The following PACRG variants were observed in gnomAD, a reference collection of about 807,000 sequenced individuals.
PACRG encodes the protein parkin coregulated gene protein.
PACRG carries 29 observed loss-of-function variants against 29.7 expected under a neutral mutation model. That is an observed-to-expected ratio of 0.98 (90% CI 0.73 to 1.33). The LOEUF is 1.33. PACRG is among the 40% of genes most tolerant of loss of function. PACRG has a pLI of 0.00. For missense variants in PACRG, 279 were observed against 316.2 expected, an observed-to-expected ratio of 0.88 and a Z score of 0.89; for synonymous variants, 116 against 118.7, an observed-to-expected ratio of 0.98 and a Z score of 0.15.
intron 2 of PACRG, among the ~76,000 whole-genome samples, chr6:163,021,583 G>A (rs780016866): frequency 7.9e-5 from 12 of 152,048 alleles, no homozygotes; most frequent in Non-Finnish European, 1.3e-4. Context: ...TCTTGAAACA[G>A]ATCCCATTTC....
chr6:163,201,187 T>C (rs1237048068), intron 4 of PACRG, among the ~76,000 whole-genome samples: 1 of 152,350 alleles, frequency 6.6e-6, no homozygotes, highest in African/African-American at 2.4e-5. Flanking sequence ...AGAAAGTGAA[T>C]ACTTAAGCGG....
chr6:163,152,962 C>G (rs1438354220), intron 4 of PACRG, among the ~76,000 whole-genome samples: 2 of 152,220 alleles, frequency 1.3e-5, no homozygotes, highest in Non-Finnish European at 2.9e-5. Context: ...TGCTTGGCTG[C>G]TTCAGGGGAG....
chr6:162,854,310 C>T (rs553939900), intron 2 of PACRG, among the ~76,000 whole-genome samples: 37 of 145,746 alleles, frequency 2.5e-4, no homozygotes, highest in Non-Finnish European at 3.7e-4. Flanking sequence ...TGTGAAAGTC[C>T]ATGAGTAGCT....
At chr6:163,181,397 G>T (rs959504725) in intron 4 of PACRG, among the ~76,000 whole-genome samples, 1 of 152,108 alleles carries the variant, frequency 6.6e-6, no homozygotes, top group East Asian at 1.9e-4. Context: ...GTGAAAAGCA[G>T]TGCCGGGGCT....
intron 2 of PACRG, among the ~76,000 whole-genome samples, chr6:162,995,118 G>A (rs1455782610): frequency 2.0e-5 from 3 of 150,848 alleles, no homozygotes; most frequent in Middle Eastern, 3.2e-3. Context: ...CCAGCTGCGT[G>A]CTGGGAGAAC....
At chr6:163,263,523 C>T (rs1419941727) in intron 4 of PACRG, among the ~76,000 whole-genome samples, 1 of 152,192 alleles carries the variant, frequency 6.6e-6, no homozygotes, top group African/African-American at 2.4e-5. Flanking sequence ...ACACCCTCCT[C>T]TTCTCAATCA....
At chr6:163,264,470 G>T (rs559239412) in intron 4 of PACRG, among the ~76,000 whole-genome samples, 2 of 152,174 alleles carry the variant, frequency 1.3e-5, no homozygotes, top group South Asian at 4.1e-4. Context: ...CAGCAGCAGG[G>T]GACACTGTGT....
chr6:163,312,262 C>T (rs1231505916), intron 4 of PACRG, among the ~76,000 whole-genome samples: 1 of 152,156 alleles, frequency 6.6e-6, no homozygotes, highest in African/African-American at 2.4e-5. Context: ...ACATTTGTCC[C>T]TGCTTTGGTT....
At chr6:163,173,715 C>T (rs1779207643) in intron 4 of PACRG, among the ~76,000 whole-genome samples, 1 of 152,200 alleles carries the variant, frequency 6.6e-6, no homozygotes, top group Admixed American at 6.5e-5. Flanking sequence ...CAAGGTCGCC[C>T]TCTCCACCCT....
intron 2 of PACRG, among the ~76,000 whole-genome samples, chr6:162,890,243 A>G (rs943421825): frequency 2.6e-5 from 4 of 152,194 alleles, no homozygotes; most frequent in Admixed American, 2.6e-4. Context: ...AAAGCAAAAA[A>G]GATTTAAGTG....
chr6:163,114,545 T>A (rs1232919324), intron 4 of PACRG, among the ~76,000 whole-genome samples: 1 of 152,122 alleles, frequency 6.6e-6, no homozygotes, highest in Non-Finnish European at 1.5e-5. Context: ...GGAAATCCTA[T>A]TTGGAGTGTC....
chr6:163,196,054 C>G (rs907213766), intron 4 of PACRG, among the ~76,000 whole-genome samples: 2 of 152,210 alleles, frequency 1.3e-5, no homozygotes, highest in African/African-American at 4.8e-5. Context: ...GTCGCTGGCT[C>G]AGTTTCCTTC....
chr6:162,913,984 A>AAAATG (rs1796502298), intron 2 of PACRG, among the ~76,000 whole-genome samples: 1 of 151,914 alleles, frequency 6.6e-6, no homozygotes, highest in African/African-American at 2.4e-5. Context: ...TGCTTTGTCT[A>AAAATG]TGTGTTTCAA....
At chr6:163,013,300 C>G (rs1007390337) in intron 2 of PACRG, among the ~76,000 whole-genome samples, 40 of 145,062 alleles carry the variant, frequency 2.8e-4, no homozygotes, top group African/African-American at 1.0e-3. Context: ...ATTTTGGTAG[C>G]CATACTCATA....
intron 2 of PACRG, among the ~76,000 whole-genome samples, chr6:163,038,790 C>G (rs531015311): frequency 6.6e-5 from 10 of 152,124 alleles, no homozygotes; most frequent in African/African-American, 2.4e-4. Context: ...TTAATTCTCC[C>G]TAGAGAGGAC....
chr6:163,095,574 G>A (rs970700614), intron 4 of PACRG: 25 of 440,984 alleles, frequency 5.7e-5, no homozygotes, highest in Middle Eastern at 1.1e-3. Context: ...TGCAGGCTCC[G>A]GGGAAGCCTC....
intron 4 of PACRG, among the ~76,000 whole-genome samples, chr6:163,149,254 G>T (rs1479855160): frequency 1.3e-5 from 2 of 151,700 alleles, no homozygotes; most frequent in Admixed American, 1.3e-4. Flanking sequence ...CGCCTCCCGC[G>T]GGCGCTGGCC....
At chr6:162,791,309 T>TG (rs1425394540) in intron 1 of PACRG, among the ~76,000 whole-genome samples, 11 of 134,436 alleles carry the variant, frequency 8.2e-5, no homozygotes, top group African/African-American at 2.5e-4. Flanking sequence ...GTTTGTTTGT[T>TG]TGTTTTTTTT....
intron 3 of PACRG, among the ~76,000 whole-genome samples, chr6:163,078,972 T>A (rs1309745043): frequency 6.6e-6 from 1 of 151,804 alleles, no homozygotes; most frequent in Non-Finnish European, 1.5e-5. Flanking sequence ...TGCCTGTGGG[T>A]ACGCTGGGAG....
Sources: gnomAD v4.1 joint callset for allele counts (sites outside exome capture counted in the v4.1 genomes callset) on GRCh38, gnomAD v4.1.1 for gene constraint, MANE v1.5 for transcripts, NCBI Gene and HGNC (gene_info 2026-07-23, HGNC 2026-07-21) for gene names.